Variants in CNMD observed in about 807,000 individuals in gnomAD.
The protein encoded by CNMD is leukocyte cell-derived chemotaxin 1.
Under a neutral mutation model 37.5 loss-of-function variants are expected in CNMD, and 30 were observed. The ratio of observed to expected loss-of-function variants is 0.80; its 90% confidence interval spans 0.60 to 1.09. The LOEUF is 1.09. CNMD is among the 50% of genes least tolerant of loss of function. The pLI is 0.00. For missense variants in CNMD, 398 were observed against 423.9 expected (o/e 0.94, Z 0.54); for synonymous variants, 167 against 148.2 (o/e 1.13, Z -0.92).
chr13:52,724,221 A>G (rs1272298528), intron 3 of CNMD, 111 bp from the exon 4 acceptor site: 1 of 769,520 alleles, frequency 1.3e-6, no homozygotes, highest in Admixed American at 2.1e-5. Flanking sequence ...AGGGATGAAC[A>G]AAAGAGATGG....
At chr13:52,706,119 T>C (rs1448116325) in intron 6 of CNMD, among the ~76,000 whole-genome samples, 1 of 152,182 alleles carries the variant, frequency 6.6e-6, no homozygotes, top group East Asian at 1.9e-4. Context: ...AATGACTTAG[T>C]ATATGAAAAG....
rs1964750073 is a variant in CNMD, at chr13:52,735,847, T to A, written c.214-2488A>T. Among the ~76,000 whole-genome samples the A allele has an allele frequency of 3.8e-5, 5 of 133,326 alleles. No homozygotes were observed. In the South Asian group the frequency reaches 1.2e-3, roughly 31 times the overall value. 87.5% of individuals were successfully genotyped at this position (133,326 alleles called of 152,430 possible). On this transcript the variant is annotated intron_variant, in intron 2 of 6. Transcript: ENST00000377962. Reference sequence around the variant, plus strand: ...CCCACCTTTTTTTTTTTTTTTTTTTTGAGATGGAGTCTTGCTCTGTCACCC... The same window carrying A: ...CCCACCTTTTTTTTTTTTTTTTTTTAGAGATGGAGTCTTGCTCTGTCACCC...
intron 2 of CNMD, among the ~76,000 whole-genome samples, chr13:52,737,741 C>G (rs890702326): frequency 9.9e-5 from 15 of 152,206 alleles, no homozygotes; most frequent in African/African-American, 3.6e-4. Flanking sequence ...AATCTAAACC[C>G]TGCTATTAAT....
chr13:52,706,086 T>C (rs905865293), intron 6 of CNMD, among the ~76,000 whole-genome samples: 7 of 152,232 alleles, frequency 4.6e-5, no homozygotes, highest in African/African-American at 1.2e-4. Flanking sequence ...TTGGACTGAA[T>C]AGGCTACATA....
chr13:52,705,054 G>A (rs1450030890), intron 6 of CNMD, among the ~76,000 whole-genome samples: 3 of 52,800 alleles, frequency 5.7e-5, no homozygotes, highest in Admixed American at 2.6e-4. Flanking sequence ...GTGAAACTCT[G>A]TCTTGGAAAA....
chr13:52,735,378 T>A (rs1594291444), intron 2 of CNMD, among the ~76,000 whole-genome samples: 1 of 148,112 alleles, frequency 6.8e-6, no homozygotes, highest in Admixed American at 6.8e-5. Context: ...TGTTTTTTTT[T>A]AAGAACATTG....
chr13:52,703,605 C>A lies in CNMD; in HGVS notation c.995G>T (p.Gly332Val). The change falls in exon 7 of 7, where the codon GGC (glycine) becomes GTC (valine). Residue 332 changes from glycine (G) to valine (V), a missense_variant. By Grantham distance (109) the Gly-to-Val change is moderately radical. Transcript: ENST00000377962. Reference sequence around the variant, plus strand: ...ATATATGAAGTGATTTCACACCATGCCCAAGATACGGGCCACCCACCAGCT... The same window carrying A: ...ATATATGAAGTGATTTCACACCATGACCAAGATACGGGCCACCCACCAGCT... ...PCSWWVARIL[G>V]MV is the part of the protein sequence containing the mutation. The A allele has an allele frequency of 6.2e-7, 1 of 1,610,486 alleles. No homozygotes were observed. Among genetic ancestry groups the A allele is most frequent in the Non-Finnish European group, 8.5e-7 (1 of 1,177,380 alleles).
At chr13:52,716,758 G>A (rs577192625) in intron 4 of CNMD, among the ~76,000 whole-genome samples, 4 of 152,234 alleles carry the variant, frequency 2.6e-5, no homozygotes, top group Non-Finnish European at 4.4e-5. Context: ...TAGCCTTGTA[G>A]TATAGTTTGA....
chr13:52,736,237 G>T (rs572477928), intron 2 of CNMD, among the ~76,000 whole-genome samples: 2 of 152,158 alleles, frequency 1.3e-5, no homozygotes, highest in Non-Finnish European at 2.9e-5. Context: ...CTCGTGAGCC[G>T]CCCGCCTCGG....
intron 4 of CNMD, among the ~76,000 whole-genome samples, chr13:52,714,316 A>G (rs1964335228): frequency 6.6e-6 from 1 of 152,158 alleles, no homozygotes; most frequent in Non-Finnish European, 1.5e-5. Context: ...CTGTGGAGAA[A>G]AACAGATCCC....
intron 5 of CNMD, among the ~76,000 whole-genome samples, chr13:52,710,750 G>T (rs912854584): frequency 6.6e-6 from 1 of 152,178 alleles, no homozygotes; most frequent in Non-Finnish European, 1.5e-5. Context: ...GGGCATTGAG[G>T]TGTTTTCCAC....
At chr13:52,736,470 A>T (rs1260063787) in intron 2 of CNMD, among the ~76,000 whole-genome samples, 1 of 152,054 alleles carries the variant, frequency 6.6e-6, no homozygotes, top group Non-Finnish European at 1.5e-5. Context: ...CTGCATGGGG[A>T]CAGCAGTGAA....
intron 2 of CNMD, among the ~76,000 whole-genome samples, chr13:52,734,575 T>A (rs1224858832): frequency 6.6e-6 from 1 of 151,912 alleles, no homozygotes; most frequent in East Asian, 1.9e-4. Flanking sequence ...GGGTTTCTTT[T>A]TTTTTTGGAT....
chr13:52,736,133 G>A (rs552977140), intron 2 of CNMD, among the ~76,000 whole-genome samples: 9 of 151,964 alleles, frequency 5.9e-5, no homozygotes, highest in Non-Finnish European at 1.0e-4. Context: ...AGCTGGGACT[G>A]CAGGTGCCCG....
At chr13:52,732,793 C>G (rs747524256) in intron 3 of CNMD, among the ~76,000 whole-genome samples, 1 of 152,156 alleles carries the variant, frequency 6.6e-6, no homozygotes, top group Non-Finnish European at 1.5e-5. Flanking sequence ...GTCTTTCTGC[C>G]AAGACTTTTA....
intron 3 of CNMD, 83 bp from the exon 4 acceptor site, chr13:52,724,193 G>T: frequency 9.8e-7 from 1 of 1,020,980 alleles, no homozygotes; most frequent in Non-Finnish European, 1.5e-6. Flanking sequence ...TCCAGATGCT[G>T]TTCCGGGTGC....
At chr13:52,707,577 AT>A (rs1184016788) in intron 6 of CNMD, among the ~76,000 whole-genome samples, 5 of 152,338 alleles carry the variant, frequency 3.3e-5, no homozygotes, top group African/African-American at 1.2e-4. Context: ...TGCCTGTTGA[AT>A]AAAGTGGATA....
chr13:52,727,389 T>C (rs1336335041), intron 3 of CNMD, among the ~76,000 whole-genome samples: 1 of 151,552 alleles, frequency 6.6e-6, no homozygotes, highest in African/African-American at 2.4e-5. Context: ...GGGCCAAGCA[T>C]AGTGTCTCAT....
chr13:52,714,892 C>T (rs907200530), intron 4 of CNMD, among the ~76,000 whole-genome samples: 4 of 152,044 alleles, frequency 2.6e-5, no homozygotes, highest in African/African-American at 9.7e-5. Flanking sequence ...AGTATTGAAC[C>T]ATTTGTACAT....
Sources: allele counts gnomAD v4.1 joint callset (sites outside exome capture counted in the v4.1 genomes callset), GRCh38; gene constraint gnomAD v4.1.1; transcripts MANE v1.5; gene names NCBI Gene and HGNC (gene_info 2026-07-23, HGNC 2026-07-21).